Variants in AKAP19 observed in about 807,000 individuals in gnomAD.
The protein encoded by AKAP19 is small A-kinase anchoring protein.
At chr2:189,903,061 C>T in the AKAP19 span, among the ~76,000 whole-genome samples, 1 of 151,266 alleles carries the variant, frequency 6.6e-6, no homozygotes, top group African/African-American at 2.4e-5. Context: ...AGTGTCTTCC[C>T]TATAGGAAAA....
the AKAP19 span, among the ~76,000 whole-genome samples, chr2:190,149,062 C>G: frequency 6.6e-6 from 1 of 150,446 alleles, no homozygotes; most frequent in Non-Finnish European, 1.5e-5. Context: ...CTCTCAGGTT[C>G]AAGCGATTCT....
the AKAP19 span, among the ~76,000 whole-genome samples, chr2:189,938,030 T>C: frequency 9.2e-5 from 14 of 152,172 alleles, no homozygotes; most frequent in Non-Finnish European, 1.6e-4. Context: ...AACAGATAAA[T>C]GGATAAAGAA....
the AKAP19 span, among the ~76,000 whole-genome samples, chr2:190,176,066 C>T: frequency 6.6e-6 from 1 of 152,226 alleles, no homozygotes; most frequent in African/African-American, 2.4e-5. The surrounding 1 kb of genome is among the most constrained non-coding windows in gnomAD (Gnocchi z 4.7). Flanking sequence ...TGAGAAAACA[C>T]ATTTCTGTTC....
the AKAP19 span, among the ~76,000 whole-genome samples, chr2:190,167,501 T>C: frequency 6.6e-6 from 1 of 152,332 alleles, no homozygotes; most frequent in East Asian, 1.9e-4. Context: ...ATTTCAGCAT[T>C]AATTCAGAAG....
the AKAP19 span, among the ~76,000 whole-genome samples, chr2:190,138,360 G>A: frequency 6.6e-6 from 1 of 152,160 alleles, no homozygotes; most frequent in Non-Finnish European, 1.5e-5. Flanking sequence ...CCAGGGAGAA[G>A]AGTGCTCACA....
chr2:190,034,387 A>G, the AKAP19 span, among the ~76,000 whole-genome samples: 1 of 151,770 alleles, frequency 6.6e-6, no homozygotes, highest in Non-Finnish European at 1.5e-5. Flanking sequence ...AATGATTGTT[A>G]ATTTGTGTAT....
chr2:189,970,491 T>C, the AKAP19 span, among the ~76,000 whole-genome samples: 24 of 152,226 alleles, frequency 1.6e-4, no homozygotes, highest in African/African-American at 5.1e-4. Context: ...ACAATGTATG[T>C]ATTCTTCCAC....
At chr2:190,079,464 C>T in the AKAP19 span, 1 of 152,186 alleles carries the variant, frequency 6.6e-6, no homozygotes, top group African/African-American at 2.4e-5. Context: ...TACATTATGT[C>T]ATTTTATCTT....
chr2:190,059,136 T>A, the AKAP19 span, among the ~76,000 whole-genome samples: 14,140 of 151,930 alleles, frequency 0.093, 1,396 homozygotes, highest in African/African-American at 0.24. Context: ...GATCATTGAA[T>A]GATTACAAAG....
the AKAP19 span, among the ~76,000 whole-genome samples, chr2:189,965,165 G>A: frequency 2.6e-5 from 4 of 152,214 alleles, no homozygotes; most frequent in East Asian, 7.7e-4. Context: ...GCCCAAGGAG[G>A]AGAGAGACAG....
the AKAP19 span, among the ~76,000 whole-genome samples, chr2:190,002,439 C>T: frequency 3.3e-5 from 5 of 151,930 alleles, no homozygotes; most frequent in African/African-American, 1.2e-4. Flanking sequence ...CCCTGGTGGC[C>T]CAGTTTTAAG....
the AKAP19 span, among the ~76,000 whole-genome samples, chr2:190,146,123 C>T: frequency 0.33 from 50,080 of 151,614 alleles, 9,132 homozygotes; most frequent in African/African-American, 0.48. Flanking sequence ...ATACACTGTA[C>T]CGTATTTGTA....
At chr2:190,117,610 T>G in the AKAP19 span, among the ~76,000 whole-genome samples, 3,505 of 152,314 alleles carry the variant, frequency 0.023, 125 homozygotes, top group African/African-American at 0.079. Context: ...CCAATGCCCA[T>G]CACCCACTGC....
the AKAP19 span, among the ~76,000 whole-genome samples, chr2:189,968,538 G>A: frequency 6.6e-6 from 1 of 152,164 alleles, no homozygotes; most frequent in African/African-American, 2.4e-5. Flanking sequence ...GTGCGCCTGG[G>A]CTAAATGCTG....
the AKAP19 span, among the ~76,000 whole-genome samples, chr2:190,005,839 G>A: frequency 6.6e-6 from 1 of 152,080 alleles, no homozygotes; most frequent in African/African-American, 2.4e-5. Flanking sequence ...GTGTCATCTG[G>A]CATTCTTCTT....
the AKAP19 span, among the ~76,000 whole-genome samples, chr2:189,958,537 A>G: frequency 6.7e-6 from 1 of 148,874 alleles, no homozygotes; most frequent in Non-Finnish European, 1.5e-5. Context: ...ATATATATAT[A>G]TATATAACAT....
the AKAP19 span, among the ~76,000 whole-genome samples, chr2:190,025,223 T>G: frequency 6.6e-6 from 1 of 152,152 alleles, no homozygotes. Flanking sequence ...TTGGACTATT[T>G]TTAAGTTTCA....
the AKAP19 span, among the ~76,000 whole-genome samples, chr2:190,184,603 C>T: frequency 6.6e-6 from 1 of 152,126 alleles, no homozygotes; most frequent in Admixed American, 6.6e-5. Context: ...AGTTCAAGAA[C>T]AGAATTCTGA....
At chr2:190,167,280 GACT>G in the AKAP19 span, among the ~76,000 whole-genome samples, 1 of 152,136 alleles carries the variant, frequency 6.6e-6, no homozygotes, top group Admixed American at 6.6e-5. Context: ...GATCTCATGA[GACT>G]TACCACGAGA....
Sources: gnomAD v4.1 joint callset for allele counts (sites outside exome capture counted in the v4.1 genomes callset) on GRCh38, gnomAD v4.1.1 for gene constraint, Gnocchi (gnomAD v3.1) non-coding constraint, MANE v1.5 for transcripts, NCBI Gene and HGNC (gene_info 2026-07-23, HGNC 2026-07-21) for gene names.